The following LRP1B variants were observed in gnomAD, a reference collection of about 807,000 sequenced individuals.
LRP1B encodes low-density lipoprotein receptor-related protein 1B.
Under a neutral mutation model 556.6 loss-of-function variants are expected in LRP1B, and 217 were observed. The observed-to-expected ratio is 0.39, with a 90% CI of 0.35 to 0.44. The LOEUF (loss-of-function observed/expected upper bound fraction) is 0.44. Ranked by LOEUF, LRP1B falls within the 20% of genes least tolerant of loss-of-function variation. The pLI is 1.00. For missense variants in LRP1B, 5,053 were observed against 5,620.8 expected (o/e 0.90, Z 3.23); for synonymous variants, 2,047 against 1,865.8 (o/e 1.10, Z -2.50).
At chr2:141,918,784 C>T (rs1558961087) in intron 1 of LRP1B, among the ~76,000 whole-genome samples, 1 of 152,118 alleles carries the variant, frequency 6.6e-6, no homozygotes, top group Non-Finnish European at 1.5e-5. Context: ...AACCTCTTCT[C>T]TTCAGATTTC....
At chr2:141,588,567 G>T (rs1687219986) in intron 2 of LRP1B, among the ~76,000 whole-genome samples, 2 of 152,128 alleles carry the variant, frequency 1.3e-5, no homozygotes, top group African/African-American at 4.8e-5. Context: ...TAAAGGAAAT[G>T]AGAATATTCC....
intron 66 of LRP1B, among the ~76,000 whole-genome samples, chr2:140,410,386 G>A (rs973870922): frequency 1.3e-5 from 2 of 151,256 alleles, no homozygotes; most frequent in African/African-American, 4.9e-5. Context: ...GTACATGATT[G>A]TTCTCTTGGC....
At chr2:142,115,750 T>TATATATATGTAATATATATC (rs1707229922) in intron 1 of LRP1B, among the ~76,000 whole-genome samples, 4 of 23,882 alleles carry the variant, frequency 1.7e-4, no homozygotes, top group African/African-American at 8.2e-4. Flanking sequence ...ATATATATAT[T>TATATATATGTAATATATATC]ATATATATGT....
intron 11 of LRP1B, among the ~76,000 whole-genome samples, chr2:141,048,291 A>G (rs1346259358): frequency 6.6e-6 from 1 of 152,016 alleles, no homozygotes; most frequent in African/African-American, 2.4e-5. Context: ...ATCTGGTTTG[A>G]TTTATTATTT....
intron 30 of LRP1B, 142 bp from the exon 31 acceptor site, chr2:140,840,227 C>T: frequency 1.8e-6 from 1 of 562,490 alleles, no homozygotes; most frequent in Non-Finnish European, 3.0e-6. Flanking sequence ...CAAAATTGTC[C>T]AGCCATTTGC....
At chr2:140,591,247 C>T (rs1317668629) in intron 43 of LRP1B, among the ~76,000 whole-genome samples, 2 of 152,096 alleles carry the variant, frequency 1.3e-5, no homozygotes, top group East Asian at 1.9e-4. Context: ...AGATAATGGG[C>T]TTTTTTATAA....
At chr2:140,488,231 C>T (rs1352280824) in intron 57 of LRP1B, among the ~76,000 whole-genome samples, 1 of 149,176 alleles carries the variant, frequency 6.7e-6, no homozygotes. Context: ...TACTTTCCCC[C>T]AAAGCTCTTG....
At chr2:140,484,776 C>G (rs947857839) in intron 59 of LRP1B, among the ~76,000 whole-genome samples, 1 of 152,138 alleles carries the variant, frequency 6.6e-6, no homozygotes, top group Non-Finnish European at 1.5e-5. Flanking sequence ...AGCCTGTGGT[C>G]CTGGGTCCTT....
chr2:141,314,816 A>ATATATATG (rs1686941817), intron 3 of LRP1B, among the ~76,000 whole-genome samples: 1 of 133,734 alleles, frequency 7.5e-6, no homozygotes, highest in African/African-American at 2.8e-5. Context: ...AAATTTATAT[A>ATATATATG]TATATATATA....
At chr2:140,641,361 GTTTTAC>G (rs1684286877) in intron 41 of LRP1B, among the ~76,000 whole-genome samples, 2 of 152,096 alleles carry the variant, frequency 1.3e-5, no homozygotes, top group Admixed American at 6.5e-5. Context: ...GAATAACAAG[GTTTTAC>G]TTTTAGTTTC....
intron 2 of LRP1B, among the ~76,000 whole-genome samples, chr2:141,794,129 A>C (rs1371719646): frequency 6.6e-6 from 1 of 151,942 alleles, no homozygotes; most frequent in Non-Finnish European, 1.5e-5. Flanking sequence ...TCTAGAAAGA[A>C]AGTAACTTTT....
intron 1 of LRP1B, among the ~76,000 whole-genome samples, chr2:141,853,155 A>G (rs1697922292): frequency 6.6e-6 from 1 of 151,712 alleles, no homozygotes; most frequent in Non-Finnish European, 1.5e-5. Flanking sequence ...TGGATTTAAT[A>G]TCTACAGATT....
intron 18 of LRP1B, among the ~76,000 whole-genome samples, chr2:140,954,545 G>A (rs888767321): frequency 5.3e-5 from 8 of 151,962 alleles, no homozygotes; most frequent in African/African-American, 7.2e-5. Context: ...ATACTTCATC[G>A]GTTGGGAAAT....
At chr2:140,716,398 T>G (rs1190891053) in intron 36 of LRP1B, among the ~76,000 whole-genome samples, 3 of 152,064 alleles carry the variant, frequency 2.0e-5, no homozygotes, top group Non-Finnish European at 4.4e-5. Flanking sequence ...TCTACTGACT[T>G]CAGGCAAAAG....
intron 2 of LRP1B, among the ~76,000 whole-genome samples, chr2:141,510,234 A>AC (rs1553524127): frequency 1.5e-3 from 215 of 145,374 alleles, no homozygotes; most frequent in Non-Finnish European, 2.7e-3. Context: ...ACACACACAC[A>AC]CCCCCCACAG....
chr2:141,973,289 A>G (rs1701796554), intron 1 of LRP1B, among the ~76,000 whole-genome samples: 1 of 151,760 alleles, frequency 6.6e-6, no homozygotes, highest in South Asian at 2.1e-4. Flanking sequence ...TGAAAAATAA[A>G]GAAATTTTAG....
At chr2:140,833,502 G>C (rs919242780) in intron 31 of LRP1B, among the ~76,000 whole-genome samples, 4 of 152,084 alleles carry the variant, frequency 2.6e-5, no homozygotes, top group African/African-American at 9.7e-5. Flanking sequence ...TTATTTCAAT[G>C]CTTAATATTA....
rs544844209 is a variant in LRP1B, at chr2:141,656,816, T to G, written c.205+153463A>C. 5.3e-5 allele frequency among the ~76,000 whole-genome samples: 8 copies of G among 152,244 alleles called. No individual in the cohort carries two copies. The South Asian group carries it at 1.7e-3, about 32-fold the overall frequency. On this transcript the variant is annotated intron_variant, in intron 2 of 90. Coordinates refer to ENST00000389484, the MANE Select transcript of LRP1B (RefSeq NM_018557.3). ...ACAATCCTCTTTTAAGTATCTAGCATGTGTCTGGCCCTATGTTGCATAATC... is the reference window on the plus strand; with the variant it reads ...ACAATCCTCTTTTAAGTATCTAGCAGGTGTCTGGCCCTATGTTGCATAATC...
In LRP1B at chr2:141,169,868, C is replaced by T. The variant is rs538196387; in HGVS notation, c.1013+18553G>A. On this transcript the variant is annotated intron_variant, in intron 7 of 90. Transcript: ENST00000389484. Reference sequence around the variant, plus strand: ...CTTTTGCTCATGATGTTATTGATAGCTTATTCATGAGGATTTTGTTACCAA... The same window carrying T: ...CTTTTGCTCATGATGTTATTGATAGTTTATTCATGAGGATTTTGTTACCAA... Among the ~76,000 whole-genome samples, 93 of 149,570 alleles carry T rather than the reference C, an allele frequency of 6.2e-4. No individual in the cohort carries two copies. The South Asian group carries it at 0.018, about 28-fold the overall frequency.
Sources: allele counts gnomAD v4.1 joint callset (sites outside exome capture counted in the v4.1 genomes callset), GRCh38; gene constraint gnomAD v4.1.1; transcripts MANE v1.5; gene names NCBI Gene and HGNC (gene_info 2026-07-23, HGNC 2026-07-21).